DNAH12: variants seen among roughly 807,000 people sequenced by gnomAD.
DNAH12 encodes the protein axonemal beta dynein heavy chain 12.
Under a neutral mutation model 371.5 loss-of-function variants are expected in DNAH12, and 285 were observed. That is an observed-to-expected ratio of 0.77 (90% CI 0.70 to 0.85). The LOEUF is 0.85. Among genes scored for constraint, DNAH12 ranks in the 40% least tolerant of loss-of-function variants. The pLI is 0.00. For missense variants in DNAH12, 3,611 were observed against 3,689.4 expected (o/e 0.98, Z 0.55); for synonymous variants, 1,200 against 1,213.0 (o/e 0.99, Z 0.22).
At chr3:57,499,800 T>C (rs1227752991) in intron 11 of DNAH12, among the ~76,000 whole-genome samples, 6 of 147,702 alleles carry the variant, frequency 4.1e-5, no homozygotes, top group Admixed American at 2.7e-4. Flanking sequence ...ATCATGCCAC[T>C]GCACTCCAGC....
At position 57,446,022 on chromosome 3, in the gene DNAH12, TAA is replaced by T; in HGVS notation, c.4179+7_4179+8del. The T allele has an allele frequency of 3.1e-6, 1 of 323,886 alleles. No individual in the cohort carries two copies. Among genetic ancestry groups the T allele is most frequent in the African/African-American group, 2.9e-5 (1 of 35,082 alleles). The allele number at this position is 323,886 out of a possible 1,614,324, so 20.1% of individuals were successfully genotyped here. The stretch of plus-strand genomic sequence containing the variant: ...ATAAATAAATAAATAAATAAATAAA[TAA>T]TATTACCTTAAGATTGTCCGGCAAT... On this transcript the variant is annotated splice_region_variant and intron_variant, in intron 27 of 73. Transcript: ENST00000495027.
Position 57,504,199 on chromosome 3 carries a change from C to T in DNAH12, c.903G>A (p.Lys301=), listed in dbSNP as rs1265387128. ...CVSTLMSNQL[K]DLLRRTVEGF... ...CTTCTACAGTTCTCCTTAATAGATCCTTTAGCTGCGTGATATAAATCACTG... is the reference window on the plus strand; with the variant it reads ...CTTCTACAGTTCTCCTTAATAGATCTTTTAGCTGCGTGATATAAATCACTG... The change falls in exon 9 of 74, where the codon AAG becomes AAA. Residue 301 remains lysine, a synonymous_variant. Coordinates refer to ENST00000495027, the MANE Select transcript of DNAH12 (RefSeq NM_001366028.2). The T allele has an allele frequency of 1.2e-6, 2 of 1,605,558 alleles. No homozygotes were observed. The highest frequency in any genetic ancestry group is 1.7e-6 in the Non-Finnish European group (2 of 1,174,924).
At chr3:57,424,861 C>G (rs2064713246) in intron 35 of DNAH12, among the ~76,000 whole-genome samples, 161 bp downstream of exon 35, 1 of 150,956 alleles carries the variant, frequency 6.6e-6, no homozygotes, top group East Asian at 1.9e-4. Flanking sequence ...TTTTTATTAT[C>G]AGAATACCAG....
At position 57,385,388 on chromosome 3, in the gene DNAH12, T is replaced by G. The variant is rs1370887130; in HGVS notation, c.7644A>C (p.Lys2548Asn). 29 of 152,334 alleles carry G rather than the reference T, an allele frequency of 1.9e-4. No homozygotes were observed. The highest frequency in any genetic ancestry group is 6.7e-4 in the African/African-American group (28 of 41,594). The allele number at this position is 152,334 out of a possible 1,614,324, so 9.4% of individuals were successfully genotyped here. Residue 2548 changes from lysine to asparagine, a missense_variant, in exon 48 of 74, where the codon AAA (lysine) becomes AAC (asparagine). This residue lies in a region of DNAH12 where 2,266 missense variants were observed against 2,236.9 expected (regional missense o/e 1.01). Coordinates refer to ENST00000495027, the MANE Select transcript of DNAH12 (RefSeq NM_001366028.2). ...MQMELVELQP[K>N]LEEAKIENAN... is the part of the protein sequence containing the mutation. ...CATTTTCAATTTTAGCTTCCTCCAA[T>G]TTGGGCTGTAATTCAACAAGCTCCA... is the stretch of plus-strand genomic sequence containing the variant.
At chr3:57,411,005 T>TA (rs1553682811) in intron 39 of DNAH12, among the ~76,000 whole-genome samples, 1 of 151,706 alleles carries the variant, frequency 6.6e-6, no homozygotes, top group Admixed American at 6.6e-5. Flanking sequence ...TTCAACATCA[T>TA]ACTAAGGGCT....
At chr3:57,462,635 T>C in intron 18 of DNAH12, 55 bp downstream of exon 18, 1 of 1,511,240 alleles carries the variant, frequency 6.6e-7, no homozygotes, top group Non-Finnish European at 8.9e-7. Context: ...AAAACTATGA[T>C]TACTTGATTA....
At chr3:57,468,290 T>TA (rs1320807590) in intron 17 of DNAH12, among the ~76,000 whole-genome samples, 1 of 152,152 alleles carries the variant, frequency 6.6e-6, no homozygotes. Context: ...GAGCTATGAC[T>TA]ATGCCACTGC....
intron 60 of DNAH12, among the ~76,000 whole-genome samples, chr3:57,338,038 G>A (rs782165772): frequency 2.0e-4 from 31 of 152,066 alleles, no homozygotes; most frequent in Non-Finnish European, 3.2e-4. Context: ...CTCTTTCCAC[G>A]GTCTCCCTCT....
At chr3:57,418,610 C>A (rs1055282982) in intron 37 of DNAH12, among the ~76,000 whole-genome samples, 7 of 150,666 alleles carry the variant, frequency 4.6e-5, no homozygotes, top group African/African-American at 1.7e-4. Flanking sequence ...TGCTTAGCTT[C>A]TAAATGCAAA....
chr3:57,489,242 A>G (rs2067035499), intron 12 of DNAH12, among the ~76,000 whole-genome samples: 1 of 152,166 alleles, frequency 6.6e-6, no homozygotes, highest in Non-Finnish European at 1.5e-5. Context: ...CAATCTTATC[A>G]TTATCATGTA....
intron 12 of DNAH12, among the ~76,000 whole-genome samples, chr3:57,485,518 C>A (rs571682495): frequency 6.6e-6 from 1 of 151,974 alleles, no homozygotes; most frequent in Non-Finnish European, 1.5e-5. Context: ...TCTCCTGCCT[C>A]AGCCTCCCGA....
intron 11 of DNAH12, among the ~76,000 whole-genome samples, chr3:57,499,630 C>CAAAAAAAAAAAAAAAAAAAAAAA (rs1220632097): frequency 2.0e-4 from 3 of 14,890 alleles, no homozygotes; most frequent in Non-Finnish European, 3.4e-4. Flanking sequence ...ACCATCTCTA[C>CAAAAAAAAAAAAAAAAAAAAAAA]AAAAAAAAAA....
At chr3:57,438,824 G>A (rs1035239293) in intron 29 of DNAH12, among the ~76,000 whole-genome samples, 4 of 146,600 alleles carry the variant, frequency 2.7e-5, no homozygotes, top group Admixed American at 1.4e-4. Flanking sequence ...GTAGTGGCAC[G>A]CACCTGTAAT....
chr3:57,325,326 T>C (rs1351123352), intron 62 of DNAH12, among the ~76,000 whole-genome samples: 3 of 152,134 alleles, frequency 2.0e-5, no homozygotes, highest in Non-Finnish European at 4.4e-5. Flanking sequence ...CACCCCCAAG[T>C]AGGGGCAAAC....
rs1206587600 is a variant in DNAH12 at position 57,445,173 on chromosome 3, CA to C, written c.4425del (p.Leu1476PhefsTer8). 8 of 1,535,560 alleles carry C rather than the reference CA, an allele frequency of 5.2e-6. No individual in the cohort carries two copies. The highest frequency in any genetic ancestry group is 7.0e-6 in the Non-Finnish European group (8 of 1,137,874). ...TCCCAATGTGTATATTTAATACTTA[CA>C]AGTATATCTTCATTTTCATTTGGGT... is the stretch of plus-strand genomic sequence containing the variant. ...LKYPNENEDI[L>X]LLRSIKDVNE... On this transcript the variant is annotated frameshift_variant and splice_region_variant, in exon 28 of 74. Transcript: ENST00000495027. LOFTEE classifies it high-confidence loss of function.
At chr3:57,478,402 C>G (rs1464137888) in intron 13 of DNAH12, among the ~76,000 whole-genome samples, 2 of 152,140 alleles carry the variant, frequency 1.3e-5, no homozygotes, top group East Asian at 3.8e-4. Context: ...TAAACAAAGT[C>G]TCCAAGAAAT....
In DNAH12 at chr3:57,310,788, TATA is replaced by T; in HGVS notation, c.10822_10824del (p.Tyr3608del). On this transcript the variant is annotated inframe_deletion, in exon 67 of 74. Transcript: ENST00000495027. ...AAATAGTTTCCACTGGGAGAAAACT[TATA>T]ATGAGGGTTTTCAACTATGTACAGA... is the stretch of plus-strand genomic sequence containing the variant. 3 of 1,551,626 alleles carry T rather than the reference TATA, an allele frequency of 1.9e-6. No homozygotes were observed. Among genetic ancestry groups the T allele is most frequent in the South Asian group, 1.2e-5 (1 of 84,056 alleles).
intron 39 of DNAH12, among the ~76,000 whole-genome samples, chr3:57,409,393 T>C (rs1314103387): frequency 6.6e-6 from 1 of 152,110 alleles, no homozygotes; most frequent in African/African-American, 2.4e-5. Context: ...GCTAAGTAAA[T>C]TACGGTGACA....
chr3:57,457,843 G>T lies in DNAH12; in HGVS notation c.3214C>A (p.Arg1072=). 2.6e-6 allele frequency: 4 copies of T among 1,551,530 alleles called. No individual in the cohort carries two copies. Among genetic ancestry groups the T allele is most frequent in the Non-Finnish European group, 3.5e-6 (4 of 1,146,958 alleles). ...GAAATGAGTGCAATCAGCTCCACTC[G>T]CTCGCCCTCAGAGCTATACATGGCT... ...IKAMYSSEGE[R]VELIALISTS... Residue 1072 remains arginine (R), a synonymous_variant, in exon 22 of 74, where the codon CGA becomes AGA. Transcript: ENST00000495027.
Sources: allele counts gnomAD v4.1 joint callset (sites outside exome capture counted in the v4.1 genomes callset), GRCh38; gene constraint gnomAD v4.1.1; regional missense constraint gnomAD v4.1.1; transcripts MANE v1.5; gene names NCBI Gene and HGNC (gene_info 2026-07-23, HGNC 2026-07-21).